CYP4X1: variants seen among roughly 807,000 people sequenced by gnomAD.
CYP4X1 encodes the protein cytochrome P450 family 4 subfamily X member 1.
Under a neutral mutation model 57.9 loss-of-function variants are expected in CYP4X1, and 44 were observed. The ratio of observed to expected loss-of-function variants is 0.76; its 90% CI spans 0.60 to 0.98. The LOEUF (loss-of-function observed/expected upper bound fraction) is 0.98, where lower values mean the gene tolerates loss of function less well. Ranked by LOEUF, CYP4X1 falls within the 50% of genes least tolerant of loss-of-function variation. CYP4X1 has a pLI of 0.00. For synonymous variants in CYP4X1, 227 were observed against 228.6 expected (o/e 0.99, Z 0.06); for missense variants, 532 against 623.9 (o/e 0.85, Z 1.57).
chr1:47,021,673 A>G (rs1215510542), upstream of CYP4X1, among the ~76,000 whole-genome samples: 1 of 152,190 alleles, frequency 6.6e-6, no homozygotes, highest in East Asian at 1.9e-4. Flanking sequence ...AAAGTTCCAG[A>G]GTTCCTTTGT....
the CYP4X1 span, among the ~76,000 whole-genome samples, chr1:46,990,677 A>T: frequency 6.6e-6 from 1 of 152,192 alleles, no homozygotes; most frequent in Non-Finnish European, 1.5e-5. Flanking sequence ...TAGACTGGAT[A>T]AAGAAGATGT....
the CYP4X1 span, among the ~76,000 whole-genome samples, chr1:46,988,954 C>CA: frequency 6.6e-6 from 1 of 152,092 alleles, no homozygotes; most frequent in Non-Finnish European, 1.5e-5. Flanking sequence ...ACTAAACGGG[C>CA]AAAAGCTGGA....
chr1:47,008,352 A>C, the CYP4X1 span, among the ~76,000 whole-genome samples: 4 of 152,152 alleles, frequency 2.6e-5, no homozygotes, highest in Non-Finnish European at 4.4e-5. Flanking sequence ...GAAATAAAAT[A>C]CTTTACAGAC....
chr1:47,032,592 A>G (rs1279234903), intron 3 of CYP4X1, among the ~76,000 whole-genome samples: 2 of 152,340 alleles, frequency 1.3e-5, no homozygotes, highest in African/African-American at 4.8e-5. Context: ...TTTAAAGCCA[A>G]ATCCTAATGA....
At chr1:46,975,134 A>G in the CYP4X1 span, among the ~76,000 whole-genome samples, 1 of 152,160 alleles carries the variant, frequency 6.6e-6, no homozygotes, top group Non-Finnish European at 1.5e-5. Context: ...TCATCCTCTT[A>G]TGCTCTCACT....
At chr1:47,045,788 T>G (rs546340071) in intron 8 of CYP4X1, among the ~76,000 whole-genome samples, 2 of 152,220 alleles carry the variant, frequency 1.3e-5, no homozygotes, top group Non-Finnish European at 2.9e-5. Flanking sequence ...TCACTAGAAC[T>G]TTCCAGAGGT....
At chr1:47,054,925 G>T (rs377199184), downstream of CYP4X1, among the ~76,000 whole-genome samples, 1,083 of 151,952 alleles carry the variant, frequency 7.1e-3, 12 homozygotes, top group African/African-American at 0.02. Context: ...TTCTCCTGCC[G>T]GATTGCCCTG....
chr1:47,030,198 A>G lies in CYP4X1; in HGVS notation c.319+67A>G, dbSNP rs998196105. 3.3e-6 allele frequency: 5 copies of G among 1,534,050 alleles called. No homozygotes were observed. In the Admixed American group the frequency reaches 6.1e-5, roughly 19 times the overall value. ...AGTGAAATGCATAAAACCCATAGGC[A>G]AGATTCCAAAGCAAAGATTGGTTTG... On this transcript the variant is annotated intron_variant, in intron 2 of 11. Transcript: ENST00000371901.
the CYP4X1 span, among the ~76,000 whole-genome samples, chr1:46,973,239 G>A: frequency 6.6e-6 from 1 of 152,050 alleles, no homozygotes; most frequent in African/African-American, 2.4e-5. Context: ...TTAATGGTTT[G>A]TATGTATTGA....
chr1:47,012,851 A>T, the CYP4X1 span, among the ~76,000 whole-genome samples: 16 of 152,358 alleles, frequency 1.1e-4, no homozygotes, highest in South Asian at 4.1e-4. Context: ...GTGAGTTTTT[A>T]AAAAATTACA....
Position 47,050,063 on chromosome 1 carries a change from C to T in CYP4X1, c.1419C>T (p.Leu473=), listed in dbSNP as rs752934420. The stretch of plus-strand genomic sequence containing the variant: ...AGGTAACCATTGCCTTGATTCTGCT[C>T]CACTTCAGAGTGACTCCAGACCCCA... ...ELKVTIALIL[L]HFRVTPDPTR... Residue 473 remains leucine, a synonymous_variant, in exon 12 of 12, where the codon CTC becomes CTT. Transcript: ENST00000371901. 6.8e-6 allele frequency: 11 copies of T among 1,613,868 alleles called. No individual in the cohort carries two copies. The highest frequency in any genetic ancestry group is 1.3e-5 in the African/African-American group (1 of 74,870).
At chr1:46,964,951 C>T in the CYP4X1 span, among the ~76,000 whole-genome samples, 4,199 of 152,282 alleles carry the variant, frequency 0.028, 99 homozygotes, top group East Asian at 0.12. Context: ...GGCGCTCCTC[C>T]CCTAGCCTCA....
chr1:46,990,696 T>C, the CYP4X1 span, among the ~76,000 whole-genome samples: 735 of 152,264 alleles, frequency 4.8e-3, 11 homozygotes, highest in East Asian at 0.045. Flanking sequence ...GTGGCACATA[T>C]ATACCATGGA....
At chr1:46,994,006 A>G in the CYP4X1 span, among the ~76,000 whole-genome samples, 1 of 152,176 alleles carries the variant, frequency 6.6e-6, no homozygotes, top group Non-Finnish European at 1.5e-5. Context: ...GTCCTTGCCC[A>G]TGCCTATGTC....
intron 1 of CYP4X1, among the ~76,000 whole-genome samples, chr1:47,026,081 G>A (rs1644060792): frequency 6.6e-6 from 1 of 152,156 alleles, no homozygotes; most frequent in African/African-American, 2.4e-5. Context: ...GGTTACCAAA[G>A]GCTGGGAAGG....
At chr1:46,979,103 G>A in the CYP4X1 span, among the ~76,000 whole-genome samples, 3 of 152,154 alleles carry the variant, frequency 2.0e-5, no homozygotes, top group Admixed American at 2.0e-4. Flanking sequence ...AAAGCTAGCA[G>A]AAGGCAAGAA....
At chr1:46,977,772 A>T in the CYP4X1 span, among the ~76,000 whole-genome samples, 3 of 152,088 alleles carry the variant, frequency 2.0e-5, no homozygotes, top group Non-Finnish European at 4.4e-5. Context: ...CTAACAGCTG[A>T]TCTCTCGGCA....
At chr1:47,011,131 G>A in the CYP4X1 span, among the ~76,000 whole-genome samples, 2,705 of 152,254 alleles carry the variant, frequency 0.018, 59 homozygotes, top group East Asian at 0.047. Flanking sequence ...CAAAGCTGGA[G>A]GCATAATGCT....
intron 6 of CYP4X1, among the ~76,000 whole-genome samples, chr1:47,038,010 C>T (rs1644204029): frequency 6.6e-6 from 1 of 152,234 alleles, no homozygotes; most frequent in South Asian, 2.1e-4. Context: ...TGGATGTTCT[C>T]GTGTATTCCA....
Sources: allele counts gnomAD v4.1 joint callset (sites outside exome capture counted in the v4.1 genomes callset), GRCh38; gene constraint gnomAD v4.1.1; transcripts MANE v1.5; gene names NCBI Gene and HGNC (gene_info 2026-07-23, HGNC 2026-07-21).